The following ARHGAP15 variants were observed in gnomAD, a reference collection of about 807,000 sequenced individuals.
ARHGAP15 encodes the protein Rho GTPase activating protein 15, also known as rho GTPase-activating protein 15.
Under a neutral mutation model 63.7 loss-of-function variants are expected in ARHGAP15, and 51 were observed. The ratio of observed to expected loss-of-function variants is 0.80; its 90% CI spans 0.64 to 1.01. The LOEUF is 1.01. Among genes scored for constraint, ARHGAP15 ranks in the 50% least tolerant of loss-of-function variants. ARHGAP15 has a pLI of 0.00. For synonymous variants in ARHGAP15, 191 were observed against 193.8 expected (o/e 0.99, Z 0.12); for missense variants, 560 against 564.6 (o/e 0.99, Z 0.08).
At chr2:143,411,204 AAAAAAC>A (rs1316099677) in intron 6 of ARHGAP15, among the ~76,000 whole-genome samples, 3 of 149,804 alleles carry the variant, frequency 2.0e-5, no homozygotes, top group Non-Finnish European at 4.4e-5. Flanking sequence ...GACTATCTCA[AAAAAAC>A]AAAAGAAGAA....
At chr2:143,718,924 A>G (rs958028943) in intron 13 of ARHGAP15, among the ~76,000 whole-genome samples, 1 of 152,144 alleles carries the variant, frequency 6.6e-6, no homozygotes. Context: ...ACATCCCTCA[A>G]TCTCATTCTT....
intron 6 of ARHGAP15, among the ~76,000 whole-genome samples, chr2:143,270,886 A>T (rs1681246027): frequency 6.6e-6 from 1 of 152,312 alleles, no homozygotes; most frequent in Non-Finnish European, 1.5e-5. Context: ...AAACATATTT[A>T]TCAGTCATAT....
intron 11 of ARHGAP15, among the ~76,000 whole-genome samples, chr2:143,591,861 C>T (rs1483599678): frequency 6.6e-6 from 1 of 151,990 alleles, no homozygotes; most frequent in African/African-American, 2.4e-5. Context: ...CTCAGGTGAT[C>T]CGCCTGCCTC....
intron 6 of ARHGAP15, among the ~76,000 whole-genome samples, chr2:143,283,987 C>A (rs1471531440): frequency 6.6e-6 from 1 of 152,110 alleles, no homozygotes; most frequent in East Asian, 1.9e-4. Flanking sequence ...TTATTTTCAA[C>A]TCTTCACTGG....
At chr2:143,258,728 A>G (rs80093030) in intron 6 of ARHGAP15, among the ~76,000 whole-genome samples, 3,366 of 152,234 alleles carry the variant, frequency 0.022, 43 homozygotes, top group Non-Finnish European at 0.035. Context: ...TTCAGATAAC[A>G]CTGATGGGTA....
chr2:143,577,955 A>G (rs2105136780), intron 11 of ARHGAP15, among the ~76,000 whole-genome samples: 1 of 152,340 alleles, frequency 6.6e-6, no homozygotes, highest in Non-Finnish European at 1.5e-5. Context: ...CAGATAGAAG[A>G]GATGTCAAAT....
chr2:143,157,350 A>T (rs983801013), intron 2 of ARHGAP15, among the ~76,000 whole-genome samples: 1 of 151,958 alleles, frequency 6.6e-6, no homozygotes, highest in Non-Finnish European at 1.5e-5. Flanking sequence ...GCTAAATGAG[A>T]CAAAATTAGC....
chr2:143,419,942 G>T (rs190625347), intron 6 of ARHGAP15, among the ~76,000 whole-genome samples: 7 of 152,102 alleles, frequency 4.6e-5, no homozygotes, highest in East Asian at 1.9e-4. Flanking sequence ...TGTTTTAAAG[G>T]CTTCATCTAA....
intron 10 of ARHGAP15, among the ~76,000 whole-genome samples, chr2:143,545,953 G>A (rs1312979205): frequency 2.6e-5 from 4 of 152,136 alleles, no homozygotes; most frequent in Admixed American, 1.3e-4. Context: ...TAGCTCTCGC[G>A]ACTTCTCTGT....
intron 2 of ARHGAP15, among the ~76,000 whole-genome samples, chr2:143,197,638 T>C (rs943925140): frequency 6.6e-6 from 1 of 152,028 alleles, no homozygotes; most frequent in Non-Finnish European, 1.5e-5. Flanking sequence ...TAATCTGATT[T>C]GGAGTGATCA....
chr2:143,549,677 A>G (rs1325447931), intron 10 of ARHGAP15, among the ~76,000 whole-genome samples: 4 of 152,188 alleles, frequency 2.6e-5, no homozygotes, highest in Non-Finnish European at 5.9e-5. Flanking sequence ...AAGGACGGAA[A>G]AGTTGCTGGC....
At chr2:143,558,838 T>G (rs1446620423) in intron 11 of ARHGAP15, among the ~76,000 whole-genome samples, 1 of 152,204 alleles carries the variant, frequency 6.6e-6, no homozygotes, top group African/African-American at 2.4e-5. Flanking sequence ...TGCAATACTT[T>G]TGGCCACTTG....
At chr2:143,634,419 G>A (rs1397527505) in intron 12 of ARHGAP15, among the ~76,000 whole-genome samples, 2 of 152,114 alleles carry the variant, frequency 1.3e-5, no homozygotes, top group South Asian at 2.1e-4. Flanking sequence ...ATAAAATGGA[G>A]GGAAAAGTTG....
At chr2:143,215,594 C>T (rs745518177) in intron 3 of ARHGAP15, among the ~76,000 whole-genome samples, 21 of 151,958 alleles carry the variant, frequency 1.4e-4, no homozygotes, top group Admixed American at 7.2e-4. Context: ...TGAAGGCTAA[C>T]GACTTGGGAT....
chr2:143,509,745 G>A (rs1037628980), intron 9 of ARHGAP15, among the ~76,000 whole-genome samples: 2 of 152,110 alleles, frequency 1.3e-5, no homozygotes, highest in Non-Finnish European at 2.9e-5. Flanking sequence ...AGTAGAGGCT[G>A]GGCATGGTGG....
At chr2:143,412,115 G>C (rs1558953422) in intron 6 of ARHGAP15, among the ~76,000 whole-genome samples, 2 of 152,140 alleles carry the variant, frequency 1.3e-5, no homozygotes, top group Non-Finnish European at 2.9e-5. Flanking sequence ...ACATGATTCT[G>C]TTTATATCTT....
At chr2:143,430,619 C>T (rs901257082) in intron 6 of ARHGAP15, among the ~76,000 whole-genome samples, 7 of 151,938 alleles carry the variant, frequency 4.6e-5, no homozygotes, top group African/African-American at 1.7e-4. Flanking sequence ...ATATTTTCTG[C>T]TGGGAGTACT....
chr2:143,418,458 TTTCTG>T lies in ARHGAP15; in HGVS notation c.475-17142_475-17138del. Among the ~76,000 whole-genome samples, 6 of 152,314 alleles carry T rather than the reference TTTCTG, an allele frequency of 3.9e-5. No homozygotes were observed. In the South Asian group the frequency reaches 1.2e-3, roughly 32 times the overall value. On this transcript the variant is annotated intron_variant, in intron 6 of 13. Coordinates refer to ENST00000295095, the MANE Select transcript of ARHGAP15 (RefSeq NM_018460.4). ...CTTGCAATAGTGAGACATACTTTCT[TTTCTG>T]AGGTGGAAGTCTTACTAGTTTTAAA...
chr2:143,150,024 C>T (rs1689753100), intron 1 of ARHGAP15, among the ~76,000 whole-genome samples: 1 of 151,900 alleles, frequency 6.6e-6, no homozygotes, highest in East Asian at 1.9e-4. Context: ...ATTTGTGGGT[C>T]TATGGCGAAA....
Sources: gnomAD v4.1 joint callset for allele counts (sites outside exome capture counted in the v4.1 genomes callset) on GRCh38, gnomAD v4.1.1 for gene constraint, MANE v1.5 for transcripts, NCBI Gene and HGNC (gene_info 2026-07-23, HGNC 2026-07-21) for gene names.